KCNQ1: variants seen among roughly 807,000 people sequenced by gnomAD.
The protein encoded by KCNQ1 is potassium voltage-gated channel subfamily KQT member 1.
In KCNQ1, 49 loss-of-function variants were observed where a neutral mutation model predicts 72.4. That is an observed-to-expected ratio of 0.68 (90% CI 0.54 to 0.86). The LOEUF (loss-of-function observed/expected upper bound fraction) is 0.86, where lower values mean the gene tolerates loss of function less well. Ranked by LOEUF, KCNQ1 falls within the 40% of genes least tolerant of loss-of-function variation. The probability of loss-of-function intolerance (pLI) is 0.00; values close to 1 mark genes in which losing one functional copy is unlikely to be tolerated. For missense variants in KCNQ1, 790 were observed against 945.1 expected (o/e 0.84, Z 2.15); for synonymous variants, 450 against 412.6 (o/e 1.09, Z -1.10).
Position 2,642,398 on chromosome 11 carries a change from T to C in KCNQ1, c.1394-19563T>C. On this transcript the variant is annotated intron_variant, in intron 10 of 15. Transcript: ENST00000155840. The surrounding 1 kb of genome is among the most constrained non-coding windows in gnomAD (Gnocchi z 4.3). ...AGATAATGCCTTCTTGATTTCTTTC[T>C]CAGCTGGTTCTTTATTGGTATATAG... 2.5e-6 allele frequency: 1 copy of C among 398,230 alleles called. No individual in the cohort carries two copies. Among genetic ancestry groups the C allele is most frequent in the East Asian group, 3.6e-5 (1 of 27,988 alleles). 24.7% of individuals were successfully genotyped at this position (398,230 alleles called of 1,614,324 possible).
At chr11:2,688,909 C>G (rs527494325) in intron 11 of KCNQ1, 61 of 399,028 alleles carry the variant, frequency 1.5e-4, no homozygotes, top group Non-Finnish European at 2.3e-4. Flanking sequence ...GGGCTAGGGC[C>G]ACCCCACACA....
At position 2,748,256 on chromosome 11, in the gene KCNQ1, A is replaced by G. The variant is rs1846169851; in HGVS notation, c.1515-20588A>G. On this transcript the variant is annotated intron_variant, in intron 11 of 15. Transcript: ENST00000155840. The surrounding 1 kb of genome is among the most constrained non-coding windows in gnomAD (Gnocchi z 6.2). ...GGCGAGGGAGAAGCAAGTTCCCCTC[A>G]GGAATGCTGGTGAAGCTGGCATGCC... 1.3e-5 allele frequency among the ~76,000 whole-genome samples: 2 copies of G among 152,130 alleles called. No individual in the cohort carries two copies. Among genetic ancestry groups the G allele is most frequent in the Admixed American group, 1.3e-4 (2 of 15,286 alleles).
rs1847880879 is a variant in KCNQ1 at position 2,544,736 on chromosome 11, G to T, written c.477+16718G>T. 6.6e-6 allele frequency among the ~76,000 whole-genome samples: 1 copy of T among 152,104 alleles called. No individual in the cohort carries two copies. Among genetic ancestry groups the T allele is most frequent in the Non-Finnish European group, 1.5e-5 (1 of 68,012 alleles). On this transcript the variant is annotated intron_variant, in intron 2 of 15. Transcript: ENST00000155840. This position sits in a 1 kb window ranked among gnomAD's most constrained non-coding sequence, Gnocchi z 4.4. ...ATGAATTCCATTGATTTCCTTATAT[G>T]AATGATGTTTTCTGAACATAGAGAC...
Position 2,723,955 on chromosome 11 carries a change from G to A in KCNQ1, c.1515-44889G>A, listed in dbSNP as rs751197509. Among the ~76,000 whole-genome samples the A allele has an allele frequency of 1.3e-5, 2 of 152,186 alleles. 1 individual carries two copies. The highest frequency in any genetic ancestry group is 2.9e-5 in the Non-Finnish European group (2 of 68,040). Reference sequence around the variant, plus strand: ...CAGCCTTTGTATCTGCCGTGGGCGTGGAGGCATTTACTCTTTTCACCGGGG... The same window carrying A: ...CAGCCTTTGTATCTGCCGTGGGCGTAGAGGCATTTACTCTTTTCACCGGGG... On this transcript the variant is annotated intron_variant, in intron 11 of 15. Transcript: ENST00000155840. The surrounding 1 kb of genome is among the most constrained non-coding windows in gnomAD (Gnocchi z 4.2).
At position 2,671,072 on chromosome 11, in the gene KCNQ1, T is replaced by G. The variant is rs1850175053; in HGVS notation, c.1514+8991T>G. The G allele has an allele frequency of 2.5e-6, 1 of 398,536 alleles. No homozygotes were observed. Among genetic ancestry groups the G allele is most frequent in the African/African-American group, 2.1e-5 (1 of 48,606 alleles). 24.7% of individuals were successfully genotyped at this position (398,536 alleles called of 1,614,324 possible). On this transcript the variant is annotated intron_variant, in intron 11 of 15. Transcript: ENST00000155840. This position sits in a 1 kb window ranked among gnomAD's most constrained non-coding sequence, Gnocchi z 4.7. ...TGAGGCACACATCCTTGGTAGTGACTGGCTAGCAGGAGGAAGTCTGGCAGT... is the reference window on the plus strand; with the variant it reads ...TGAGGCACACATCCTTGGTAGTGACGGGCTAGCAGGAGGAAGTCTGGCAGT...
intron 10 of KCNQ1, chr11:2,650,314 T>C (rs1401060432): frequency 7.5e-6 from 3 of 398,504 alleles, no homozygotes; most frequent in Non-Finnish European, 1.3e-5. Context: ...AGTCATGTTT[T>C]CTTGTTTTTT....
At position 2,526,638 on chromosome 11, in the gene KCNQ1, G is replaced by C. The variant is rs567872514; in HGVS notation, c.387-1290G>C. Among the ~76,000 whole-genome samples the C allele has an allele frequency of 6.7e-6, 1 of 150,144 alleles. No homozygotes were observed. The highest frequency in any genetic ancestry group is 2.2e-4 in the South Asian group (1 of 4,630). On this transcript the variant is annotated intron_variant, in intron 1 of 15. Coordinates refer to ENST00000155840, the MANE Select transcript of KCNQ1 (RefSeq NM_000218.3). The surrounding 1 kb of genome is among the most constrained non-coding windows in gnomAD (Gnocchi z 6.1). The stretch of plus-strand genomic sequence containing the variant: ...GATGAGCCGAGGCAGGCTGTGCTGG[G>C]AGGTAGCCTGTTTGTTGTGGGCTCT...
rs200796314 is a variant in KCNQ1, at chr11:2,572,121, G to A, written c.780+12G>A. ...TCATCCACCGCCAGGTGGGTGGCCCGGGTTAGGGGTGCGGGGCCCAGGTTG... is the reference window on the plus strand; with the variant it reads ...TCATCCACCGCCAGGTGGGTGGCCCAGGTTAGGGGTGCGGGGCCCAGGTTG... On this transcript the variant is annotated intron_variant, in intron 5 of 15. Transcript: ENST00000155840. The A allele has an allele frequency of 1.2e-4, 194 of 1,603,452 alleles. No homozygotes were observed. In the East Asian group the frequency reaches 2.8e-3, roughly 23 times the overall value.
chr11:2,610,566 G>A (rs138967851), intron 10 of KCNQ1: 1 of 398,282 alleles, frequency 2.5e-6, no homozygotes, highest in African/African-American at 2.1e-5. Flanking sequence ...AACTTCCTGG[G>A]AGCACTTCCT....
At position 2,647,547 on chromosome 11, in the gene KCNQ1, G is replaced by A; in HGVS notation, c.1394-14414G>A. On this transcript the variant is annotated intron_variant, in intron 10 of 15. Coordinates refer to ENST00000155840, the MANE Select transcript of KCNQ1 (RefSeq NM_000218.3). The surrounding 1 kb of genome is among the most constrained non-coding windows in gnomAD (Gnocchi z 4.0). ...GTTAGGGAGAATTCCTTTCTCTTCA[G>A]TCTTTTGGAATTGTCTGAGAAGAAT... 1 of 398,546 alleles carries A rather than the reference G, an allele frequency of 2.5e-6. No homozygotes were observed. Among genetic ancestry groups the A allele is most frequent in the Non-Finnish European group, 4.4e-6 (1 of 226,036 alleles). 24.7% of individuals were successfully genotyped at this position (398,546 alleles called of 1,614,324 possible).
intron 3 of KCNQ1, 69 bp from the exon 4 acceptor site, chr11:2,571,256 G>A: frequency 7.9e-7 from 1 of 1,272,644 alleles, no homozygotes; most frequent in Non-Finnish European, 1.1e-6. Context: ...CGAGAGCAGG[G>A]TGTATGCTCT....
At position 2,471,553 on chromosome 11, in the gene KCNQ1, C is replaced by A. The variant is rs2133597309; in HGVS notation, c.386+26069C>A. 7.5e-6 allele frequency among the ~76,000 whole-genome samples: 1 copy of A among 133,990 alleles called. No individual in the cohort carries two copies. Among genetic ancestry groups the A allele is most frequent in the African/African-American group, 2.5e-5 (1 of 39,776 alleles). The allele number at this position is 133,990 out of a possible 152,430, so 87.9% of individuals were successfully genotyped here. ...TAAGCATGGCAGTATCACAGCCTCACAGGCACATGTGTATGTGTGTGTGTG... is the reference window on the plus strand; with the variant it reads ...TAAGCATGGCAGTATCACAGCCTCAAAGGCACATGTGTATGTGTGTGTGTG... On this transcript the variant is annotated intron_variant, in intron 1 of 15. Transcript: ENST00000155840. This position sits in a 1 kb window ranked among gnomAD's most constrained non-coding sequence, Gnocchi z 4.8.
At position 2,564,974 on chromosome 11, in the gene KCNQ1, C is replaced by T. The variant is rs915872194; in HGVS notation, c.478-5654C>T. Among the ~76,000 whole-genome samples the T allele has an allele frequency of 6.6e-6, 1 of 152,228 alleles. No individual in the cohort carries two copies. Among genetic ancestry groups the T allele is most frequent in the Non-Finnish European group, 1.5e-5 (1 of 68,040 alleles). ...GGTAGGGAGGGACCACATCTTCCGT[C>T]TCCGTCGGTGCACTGAGGGACACTG... On this transcript the variant is annotated intron_variant, in intron 2 of 15. Coordinates refer to ENST00000155840, the MANE Select transcript of KCNQ1 (RefSeq NM_000218.3). This position sits in a 1 kb window ranked among gnomAD's most constrained non-coding sequence, Gnocchi z 4.5.
In KCNQ1 at chr11:2,601,573, C is replaced by G. The variant is rs1589975791; in HGVS notation, c.1393+12719C>G. On this transcript the variant is annotated intron_variant, in intron 10 of 15. Coordinates refer to ENST00000155840, the MANE Select transcript of KCNQ1 (RefSeq NM_000218.3). The surrounding 1 kb of genome is among the most constrained non-coding windows in gnomAD (Gnocchi z 5.2). ...TTTGTCCTTTTACACGGACTTTCTC[C>G]CATCCCATCCCTCCAATCCCTGGTG... 1.3e-5 allele frequency among the ~76,000 whole-genome samples: 2 copies of G among 152,154 alleles called. No individual in the cohort carries two copies. Among genetic ancestry groups the G allele is most frequent in the East Asian group, 3.8e-4 (2 of 5,196 alleles).
At chr11:2,622,708 G>A (rs1344676132) in intron 10 of KCNQ1, 3 of 398,378 alleles carry the variant, frequency 7.5e-6, no homozygotes, top group African/African-American at 2.1e-5. Flanking sequence ...GTGTGTATGT[G>A]TATTTTAAAG....
chr11:2,592,008 C>G lies in KCNQ1; in HGVS notation c.1393+3154C>G, dbSNP rs142561400. Among the ~76,000 whole-genome samples, 778 of 152,380 alleles carry G rather than the reference C, an allele frequency of 5.1e-3. 5 individuals are homozygous for G. The highest frequency in any genetic ancestry group is 8.1e-3 in the Non-Finnish European group (552 of 68,040). On this transcript the variant is annotated intron_variant, in intron 10 of 15. Coordinates refer to ENST00000155840, the MANE Select transcript of KCNQ1 (RefSeq NM_000218.3). This position sits in a 1 kb window ranked among gnomAD's most constrained non-coding sequence, Gnocchi z 5.2. ...GCCCCACAGCCCCACTCCCGCAAGG[C>G]GGGTACGAACAGCCACACTGAGTCC...
intron 1 of KCNQ1, among the ~76,000 whole-genome samples, chr11:2,514,377 G>A (rs990837984): frequency 3.9e-5 from 6 of 152,214 alleles, no homozygotes; most frequent in Admixed American, 3.3e-4. Flanking sequence ...ATGTGGCTCA[G>A]GTTGCCGGGT....
chr11:2,683,622 C>T lies in KCNQ1; in HGVS notation c.1514+21541C>T. 1 of 398,674 alleles carries T rather than the reference C, an allele frequency of 2.5e-6. No individual in the cohort carries two copies. Among genetic ancestry groups the T allele is most frequent in the Admixed American group, 4.4e-5 (1 of 22,742 alleles). 24.7% of individuals were successfully genotyped at this position (398,674 alleles called of 1,614,324 possible). On this transcript the variant is annotated intron_variant, in intron 11 of 15. Transcript: ENST00000155840. The surrounding 1 kb of genome is among the most constrained non-coding windows in gnomAD (Gnocchi z 4.7). Reference sequence around the variant, plus strand: ...TCATTTCAAATACTGCTCTAGACAACTGGGCCCTGCATCTGCTGCAAGGAA... The same window carrying T: ...TCATTTCAAATACTGCTCTAGACAATTGGGCCCTGCATCTGCTGCAAGGAA...
chr11:2,675,225 G>A (rs1850272000), intron 11 of KCNQ1: 1 of 398,382 alleles, frequency 2.5e-6, no homozygotes, highest in Non-Finnish European at 4.4e-6. Flanking sequence ...GAATAGCCAG[G>A]GCCAAACCAG....
Sources: allele counts gnomAD v4.1 joint callset (sites outside exome capture counted in the v4.1 genomes callset), GRCh38; gene constraint gnomAD v4.1.1; non-coding constraint Gnocchi (gnomAD v3.1); transcripts MANE v1.5; gene names NCBI Gene and HGNC (gene_info 2026-07-23, HGNC 2026-07-21).